The following ATIC variants were observed in gnomAD, a reference collection of about 807,000 sequenced individuals.
The protein encoded by ATIC is 5-aminoimidazole-4-carboxamide ribonucleotide formyltransferase/IMP cyclohydrolase.
Under a neutral mutation model 72.5 loss-of-function variants are expected in ATIC, and 64 were observed. That is an observed-to-expected ratio of 0.88 (90% CI 0.72 to 1.09). The LOEUF is 1.09. Ranked by LOEUF, ATIC falls within the 50% of genes least tolerant of loss-of-function variation. The probability of loss-of-function intolerance (pLI) is 0.00; values close to 1 mark genes in which losing one functional copy is unlikely to be tolerated. For missense variants in ATIC, 787 were observed against 732.4 expected, an observed-to-expected ratio of 1.07 and a Z score of -0.86; for synonymous variants, 281 against 267.1, an observed-to-expected ratio of 1.05 and a Z score of -0.51.
chr2:215,350,033 A>G (rs2053118003), downstream of ATIC, among the ~76,000 whole-genome samples: 1 of 152,162 alleles, frequency 6.6e-6, no homozygotes, highest in African/African-American at 2.4e-5. Flanking sequence ...GATGTAAATT[A>G]CCTAGAATTC....
chr2:215,341,456 A>G (rs569849517), intron 12 of ATIC, among the ~76,000 whole-genome samples: 3 of 152,324 alleles, frequency 2.0e-5, no homozygotes, highest in African/African-American at 7.2e-5. Context: ...TATGATCTTA[A>G]TCGTTTATCT....
chr2:215,326,733 A>G, intron 6 of ATIC, 89 bp from the exon 7 acceptor site: 1 of 1,488,804 alleles, frequency 6.7e-7, no homozygotes, highest in Non-Finnish European at 9.4e-7. Context: ...AATAGTGAGG[A>G]GATGTTGTTT....
intron 4 of ATIC, among the ~76,000 whole-genome samples, chr2:215,321,419 T>C (rs933453859): frequency 2.0e-5 from 3 of 152,248 alleles, no homozygotes; most frequent in Non-Finnish European, 4.4e-5. Flanking sequence ...TTTTGAATAT[T>C]ATGAATAATG....
chr2:215,349,670 G>C lies in ATIC; in HGVS notation c.*15G>C. The C allele has an allele frequency of 6.2e-7, 1 of 1,614,058 alleles. No individual in the cohort carries two copies. The highest frequency in any genetic ancestry group is 1.1e-5 in the South Asian group (1 of 91,082). ...TCCACCACTGATTTTACCACACACT[G>C]TTTTTTGGCTTGCTTATGTGTAGGT... On this transcript the variant is annotated 3_prime_UTR_variant, in exon 16 of 16. Transcript: ENST00000236959.
At chr2:215,357,840 A>G in the ATIC span, among the ~76,000 whole-genome samples, 2 of 149,972 alleles carry the variant, frequency 1.3e-5, no homozygotes, top group Non-Finnish European at 3.0e-5. Context: ...GGAAGTCCCA[A>G]CAGCGGTCTT....
At chr2:215,337,691 T>TG (rs1409615081) in intron 11 of ATIC, among the ~76,000 whole-genome samples, 24 of 152,202 alleles carry the variant, frequency 1.6e-4, no homozygotes, top group East Asian at 7.7e-4. Context: ...CAAGTTTTTT[T>TG]TTTGTTGTTG....
chr2:215,312,294 C>T (rs1227752906), intron 1 of ATIC, 133 bp downstream of exon 1: 6 of 1,441,634 alleles, frequency 4.2e-6, no homozygotes, highest in Non-Finnish European at 5.5e-6. Flanking sequence ...TCCCCGCTCC[C>T]CGGCCGGGCC....
At chr2:215,328,625 GCCCAT>G (rs1323513764) in intron 7 of ATIC, among the ~76,000 whole-genome samples, 1 of 151,872 alleles carries the variant, frequency 6.6e-6, no homozygotes, top group African/African-American at 2.4e-5. Context: ...CAAAGTAGCA[GCCCAT>G]CATGCTTTCA....
At chr2:215,360,173 G>T in the ATIC span, among the ~76,000 whole-genome samples, 3 of 152,110 alleles carry the variant, frequency 2.0e-5, no homozygotes, top group Non-Finnish European at 4.4e-5. Context: ...CCTGACCTCA[G>T]GTGATCCACC....
At chr2:215,326,671 C>T (rs1368711385) in intron 6 of ATIC, 151 bp from the exon 7 acceptor site, 1 of 943,952 alleles carries the variant, frequency 1.1e-6, no homozygotes, top group African/African-American at 1.6e-5. Flanking sequence ...CCATTCAGTG[C>T]TTTGCTGTCA....
chr2:215,325,165 T>G (rs1330715439), intron 4 of ATIC, 76 bp from the exon 5 acceptor site: 4 of 1,079,572 alleles, frequency 3.7e-6, no homozygotes, highest in Non-Finnish European at 4.3e-6. Flanking sequence ...TAGTACTGAC[T>G]TGTTTTTTTC....
At chr2:215,319,638 TG>T (rs750430695) in intron 3 of ATIC, 26 bp from the exon 4 acceptor site, 6 of 1,526,784 alleles carry the variant, frequency 3.9e-6, no homozygotes, top group Non-Finnish European at 4.5e-6. Flanking sequence ...TTGAAGCTAA[TG>T]ACTTTGTTTA....
At chr2:215,312,346 A>G (rs2052662114) in intron 1 of ATIC, 152 bp from the exon 2 acceptor site, 1 of 1,516,722 alleles carries the variant, frequency 6.6e-7, no homozygotes, top group Non-Finnish European at 9.1e-7. Context: ...TCGCGGGTGT[A>G]AGACCTGGGG....
At chr2:215,324,979 T>C (rs1384686001) in intron 4 of ATIC, among the ~76,000 whole-genome samples, 1 of 152,168 alleles carries the variant, frequency 6.6e-6, no homozygotes, top group Non-Finnish European at 1.5e-5. Context: ...AGCAGCAGCG[T>C]TGCAGTGTGA....
chr2:215,318,798 G>A (rs2052737113), intron 3 of ATIC, among the ~76,000 whole-genome samples: 1 of 152,122 alleles, frequency 6.6e-6, no homozygotes, highest in Middle Eastern at 3.4e-3. Context: ...CAACAGTTTT[G>A]TAAAATTCCT....
At chr2:215,318,994 C>A (rs2052739476) in intron 3 of ATIC, among the ~76,000 whole-genome samples, 2 of 151,852 alleles carry the variant, frequency 1.3e-5, no homozygotes, top group South Asian at 4.1e-4. Flanking sequence ...AGTTCTCCCA[C>A]CTCAGCCTCC....
chr2:215,314,103 C>G (rs1439604497), intron 2 of ATIC, among the ~76,000 whole-genome samples: 1 of 152,152 alleles, frequency 6.6e-6, no homozygotes, highest in Non-Finnish European at 1.5e-5. Flanking sequence ...AGGTACTTAT[C>G]AACTGATTAG....
chr2:215,341,549 C>T (rs1439913987), intron 12 of ATIC, among the ~76,000 whole-genome samples: 2 of 152,196 alleles, frequency 1.3e-5, no homozygotes, highest in Non-Finnish European at 2.9e-5. Context: ...GTTCTCCTTT[C>T]TGTTTTACCC....
chr2:215,337,467 A>G (rs2106027055), intron 11 of ATIC, among the ~76,000 whole-genome samples: 1 of 152,166 alleles, frequency 6.6e-6, no homozygotes, highest in South Asian at 2.1e-4. Context: ...CCTGAGTTCA[A>G]GCGATTTTCC....
Sources: gnomAD v4.1 joint callset for allele counts (sites outside exome capture counted in the v4.1 genomes callset) on GRCh38, gnomAD v4.1.1 for gene constraint, MANE v1.5 for transcripts, NCBI Gene and HGNC (gene_info 2026-07-23, HGNC 2026-07-21) for gene names.